The following PCDHGA1 variants were observed in gnomAD, a reference collection of about 807,000 sequenced individuals.
PCDHGA1 encodes the protein protocadherin gamma subfamily A, 1.
In PCDHGA1, 32 loss-of-function variants were observed where a neutral mutation model predicts 58.0. The observed-to-expected ratio is 0.55, with a 90% CI of 0.42 to 0.74. PCDHGA1 has a LOEUF of 0.74. Among genes scored for constraint, PCDHGA1 ranks in the 30% least tolerant of loss-of-function variants. The pLI is 0.00. For missense variants in PCDHGA1, 1,205 were observed against 1,182.3 expected (o/e 1.02, Z -0.28); for synonymous variants, 498 against 501.1 (o/e 0.99, Z 0.08).
chr5:141,422,513 G>T, intron 1 of PCDHGA1: 2 of 1,614,000 alleles, frequency 1.2e-6, no homozygotes, highest in Non-Finnish European at 1.7e-6. Context: ...ACAGACCAGG[G>T]AAGCCCGCCT....
chr5:141,355,197 T>G (rs1759751524), intron 1 of PCDHGA1: 1 of 1,596,530 alleles, frequency 6.3e-7, no homozygotes, highest in African/African-American at 1.3e-5. Context: ...GCGGCGGGGT[T>G]GTAATGGCGG....
Position 141,432,826 on chromosome 5 carries a change from CACTCTGTACCT to C in PCDHGA1, c.2422-61980_2422-61970del, listed in dbSNP as rs1251102522. 6.2e-7 allele frequency: 1 copy of C among 1,614,096 alleles called. No homozygotes were observed. Among genetic ancestry groups the C allele is most frequent in the Non-Finnish European group, 8.5e-7 (1 of 1,180,020 alleles). On this transcript the variant is annotated intron_variant, in intron 1 of 3. Coordinates refer to ENST00000517417, the MANE Select transcript of PCDHGA1 (RefSeq NM_018912.3). This position sits in a 1 kb window ranked among gnomAD's most constrained non-coding sequence, Gnocchi z 6.0. Reference sequence around the variant, plus strand: ...CAGCTAACTCTGAAACCTCAGACCTCACTCTGTACCTGGTGGTAGCGGTGGCCGCGGTCTCC... The same window carrying C: ...CAGCTAACTCTGAAACCTCAGACCTCGGTGGTAGCGGTGGCCGCGGTCTCC...
In PCDHGA1 at chr5:141,365,826, C is replaced by A. The variant is rs775602102; in HGVS notation, c.2421+32721C>A. The A allele has an allele frequency of 2.5e-6, 4 of 1,613,906 alleles. No homozygotes were observed. In the East Asian group the frequency reaches 6.7e-5, roughly 27 times the overall value. ...CTGGCTGAAGACACATTTCAGGGGGCGCCCTTGTCCTCCTATGTATCCATT... is the reference window on the plus strand; with the variant it reads ...CTGGCTGAAGACACATTTCAGGGGGAGCCCTTGTCCTCCTATGTATCCATT... On this transcript the variant is annotated intron_variant, in intron 1 of 3. Coordinates refer to ENST00000517417, the MANE Select transcript of PCDHGA1 (RefSeq NM_018912.3).
Position 141,332,736 on chromosome 5 carries a change from C to T in PCDHGA1, c.2052C>T (p.Pro684=). Residue 684 remains proline, a synonymous_variant, in exon 1 of 4, where the codon CCC becomes CCT. Transcript: ENST00000517417. The surrounding 1 kb of genome is among the most constrained non-coding windows in gnomAD (Gnocchi z 4.6). ...GCAGCCTCGAGCCCTCCGCCAAACC[C>T]AACGATTCGGACCTCACTCTGTACC... is the stretch of plus-strand genomic sequence containing the variant. ...DLGSLEPSAK[P]NDSDLTLYLV... The T allele has an allele frequency of 6.2e-7, 1 of 1,614,058 alleles. No individual in the cohort carries two copies. The highest frequency in any genetic ancestry group is 8.5e-7 in the Non-Finnish European group (1 of 1,179,984).
At position 141,334,108 on chromosome 5, in the gene PCDHGA1, A is replaced by C. The variant is rs1756502228; in HGVS notation, c.2421+1003A>C. 6.6e-6 allele frequency: 1 copy of C among 152,264 alleles called. No homozygotes were observed. The highest frequency in any genetic ancestry group is 6.5e-5 in the Admixed American group (1 of 15,288). The allele number at this position is 152,264 out of a possible 1,614,324, so 9.4% of individuals were successfully genotyped here. On this transcript the variant is annotated intron_variant, in intron 1 of 3. Coordinates refer to ENST00000517417, the MANE Select transcript of PCDHGA1 (RefSeq NM_018912.3). This position sits in a 1 kb window ranked among gnomAD's most constrained non-coding sequence, Gnocchi z 4.6. ...CCAATAAAATACAGAGATACATAAA[A>C]TATAAGAGGAAAGCAAAAGCAAAGT...
At chr5:141,478,395 T>C in intron 1 of PCDHGA1, 1 of 1,613,510 alleles carries the variant, frequency 6.2e-7, no homozygotes, top group Non-Finnish European at 8.5e-7. Flanking sequence ...TACCATCAGG[T>C]GTATCTCACC....
chr5:141,465,858 C>T (rs2099110865), intron 1 of PCDHGA1, among the ~76,000 whole-genome samples: 1 of 152,034 alleles, frequency 6.6e-6, no homozygotes, highest in African/African-American at 2.4e-5. Context: ...CCCAGTGGCT[C>T]ATGCCTGTAA....
chr5:141,444,281 C>T (rs1256106299), intron 1 of PCDHGA1, among the ~76,000 whole-genome samples: 1 of 146,976 alleles, frequency 6.8e-6, no homozygotes, highest in African/African-American at 2.5e-5. Context: ...AAGTGATTCT[C>T]CTGCCTCAGC....
rs554037493 is a variant in PCDHGA1, at chr5:141,364,941, AAG to A, written c.2421+31840_2421+31841del. On this transcript the variant is annotated intron_variant, in intron 1 of 3. Coordinates refer to ENST00000517417, the MANE Select transcript of PCDHGA1 (RefSeq NM_018912.3). ...TTGGAACAGCCCCTAGACCGCGAGA[AAG>A]AGACTGTTCACGACCTCCTCCTCAC... is the stretch of plus-strand genomic sequence containing the variant. 73 of 1,613,952 alleles carry A rather than the reference AAG, an allele frequency of 4.5e-5. No homozygotes were observed. The East Asian group carries it at 1.6e-3, about 35-fold the overall frequency.
rs2099170089 is a variant in PCDHGA1, at chr5:141,468,602, C to T, written c.2422-26205C>T. On this transcript the variant is annotated intron_variant, in intron 1 of 3. Coordinates refer to ENST00000517417, the MANE Select transcript of PCDHGA1 (RefSeq NM_018912.3). ...GTACTAAAGGCTGGGCGCGGTGGCT[C>T]ACGCCTGTAATCCCAGCACTTTGGG... The T allele has an allele frequency of 2.6e-5, 4 of 152,284 alleles. No individual in the cohort carries two copies. The South Asian group carries it at 8.3e-4, about 32-fold the overall frequency. 9.4% of individuals were successfully genotyped at this position (152,284 alleles called of 1,614,324 possible).
intron 1 of PCDHGA1, chr5:141,361,049 A>G (rs1276582922): frequency 1.2e-6 from 2 of 1,613,746 alleles, no homozygotes; most frequent in South Asian, 1.1e-5. Flanking sequence ...ACGACAAAGG[A>G]TGATTTGGAT....
chr5:141,403,719 C>T (rs758160960), intron 1 of PCDHGA1: 2 of 1,613,864 alleles, frequency 1.2e-6, no homozygotes, highest in Non-Finnish European at 1.7e-6. Context: ...GAGAACGTGC[C>T]CCCAGGCACC....
intron 1 of PCDHGA1, chr5:141,375,628 C>T (rs1771676563): frequency 1.4e-5 from 23 of 1,614,200 alleles, no homozygotes; most frequent in Non-Finnish European, 1.8e-5. Flanking sequence ...GGATTCTGTA[C>T]GCCCTGCGCT....
intron 1 of PCDHGA1, chr5:141,361,354 G>A (rs778953840): frequency 6.8e-6 from 11 of 1,613,990 alleles, no homozygotes; most frequent in African/African-American, 2.7e-5. Flanking sequence ...ACTAGTGACA[G>A]ACGGCGCTCT....
Position 141,425,635 on chromosome 5 carries a change from T to C in PCDHGA1, c.2422-69172T>C, listed in dbSNP as rs376675545. On this transcript the variant is annotated intron_variant, in intron 1 of 3. Coordinates refer to ENST00000517417, the MANE Select transcript of PCDHGA1 (RefSeq NM_018912.3). ...TCAGTGCTCCTCCAGTTTTCTCTGA[T>C]AAAACTAGGAGGAAAATTATCTGCA... Among the ~76,000 whole-genome samples, 51 of 152,354 alleles carry C rather than the reference T, an allele frequency of 3.3e-4. 1 individual carries two copies. The South Asian group carries it at 0.01, about 30-fold the overall frequency.
chr5:141,439,960 T>G (rs1297261423), intron 1 of PCDHGA1: 1 of 152,668 alleles, frequency 6.6e-6, no homozygotes, highest in African/African-American at 2.4e-5. Flanking sequence ...AGATCCGTTA[T>G]TCAGTCCTAG....
rs750804901 is a variant in PCDHGA1, at chr5:141,476,422, C to T, written c.2422-18385C>T. ...GAGAGGAGCTGTGTGGGACACTGCC[C>T]TCTTGCACTGTAACTCTGGAGTTGG... On this transcript the variant is annotated intron_variant, in intron 1 of 3. Transcript: ENST00000517417. The surrounding 1 kb of genome is among the most constrained non-coding windows in gnomAD (Gnocchi z 7.6). The T allele has an allele frequency of 1.7e-5, 28 of 1,614,026 alleles. No homozygotes were observed. Among genetic ancestry groups the T allele is most frequent in the East Asian group, 2.2e-5 (1 of 44,860 alleles).
At chr5:141,425,822 A>G (rs1257213242) in intron 1 of PCDHGA1, among the ~76,000 whole-genome samples, 1 of 152,240 alleles carries the variant, frequency 6.6e-6, no homozygotes, top group Non-Finnish European at 1.5e-5. Context: ...GAAAAAAACA[A>G]ACTTTTAAAT....
intron 1 of PCDHGA1, chr5:141,399,895 G>A (rs570331620): frequency 6.2e-7 from 1 of 1,612,586 alleles, no homozygotes; most frequent in African/African-American, 1.3e-5. Flanking sequence ...GGTAGTGGCC[G>A]TGGACGCAGA....
Sources: gnomAD v4.1 joint callset for allele counts (sites outside exome capture counted in the v4.1 genomes callset) on GRCh38, gnomAD v4.1.1 for gene constraint, Gnocchi (gnomAD v3.1) non-coding constraint, MANE v1.5 for transcripts, NCBI Gene and HGNC (gene_info 2026-07-23, HGNC 2026-07-21) for gene names.